Variants in RBFOX1 observed in about 807,000 individuals in gnomAD.
The protein encoded by RBFOX1 is RNA binding fox-1 homolog 1.
RBFOX1 carries 8 observed loss-of-function variants against 57.7 expected under a neutral mutation model. That is an observed-to-expected ratio of 0.14 (90% CI 0.08 to 0.25). RBFOX1 has a LOEUF of 0.25. Among genes scored for constraint, RBFOX1 ranks in the 10% least tolerant of loss-of-function variants. The pLI is 1.00. For missense variants in RBFOX1, 611 were observed against 548.5 expected (o/e 1.11, Z -1.14); for synonymous variants, 326 against 222.4 (o/e 1.47, Z -4.15).
intron 4 of RBFOX1, among the ~76,000 whole-genome samples, chr16:5,984,732 C>T (rs769287860): frequency 6.6e-5 from 10 of 151,966 alleles, no homozygotes; most frequent in Non-Finnish European, 1.2e-4. Flanking sequence ...AGGCACTTAA[C>T]GCAAACCTAG....
At chr16:6,495,382 T>C in intron 2 of RBFOX1, among the ~76,000 whole-genome samples, 1 of 148,230 alleles carries the variant, frequency 6.7e-6, no homozygotes. Flanking sequence ...GCCCCCGCCT[T>C]GGCCTCCCTA....
chr16:5,663,732 A>G (rs988990900), intron 3 of RBFOX1, among the ~76,000 whole-genome samples: 1 of 152,192 alleles, frequency 6.6e-6, no homozygotes, highest in Non-Finnish European at 1.5e-5. Context: ...TGAGCGTGGA[A>G]GCAACAGGAA....
At chr16:6,461,319 T>C (rs890991513) in intron 2 of RBFOX1, among the ~76,000 whole-genome samples, 3 of 152,302 alleles carry the variant, frequency 2.0e-5, no homozygotes, top group South Asian at 2.1e-4. Flanking sequence ...CCTACCCTTA[T>C]GGATTCCTTT....
intron 3 of RBFOX1, among the ~76,000 whole-genome samples, chr16:6,798,148 A>G (rs1335422529): frequency 6.6e-6 from 1 of 152,174 alleles, no homozygotes; most frequent in Non-Finnish European, 1.5e-5. Context: ...TGTGATTAGC[A>G]GAACAAATGA....
rs550150829 is a variant in RBFOX1, at chr16:7,580,307, A to G, written c.414+387A>G. On this transcript the variant is annotated intron_variant, in intron 6 of 15. Transcript: ENST00000550418. ...GTTTTGCTTTCTTTTACAGTTGTCA[A>G]ATGATCCAGAGGGTGACTCTTAGTG... Among the ~76,000 whole-genome samples, 25 of 152,286 alleles carry G rather than the reference A, an allele frequency of 1.6e-4. No individual in the cohort carries two copies. In the South Asian group the frequency reaches 2.7e-3, roughly 16 times the overall value.
chr16:7,243,431 C>G (rs1052537427), intron 4 of RBFOX1, among the ~76,000 whole-genome samples: 1 of 152,066 alleles, frequency 6.6e-6, no homozygotes, highest in Non-Finnish European at 1.5e-5. Context: ...GGCATATTAC[C>G]TTTGGTTGAC....
intron 1 of RBFOX1, among the ~76,000 whole-genome samples, chr16:6,262,494 G>A (rs1216854206): frequency 2.0e-5 from 3 of 152,118 alleles, no homozygotes; most frequent in African/African-American, 4.8e-5. Flanking sequence ...TCCATATTGA[G>A]GGAGGCAGTG....
At chr16:6,104,727 C>T (rs1490164194) in intron 1 of RBFOX1, among the ~76,000 whole-genome samples, 2 of 152,198 alleles carry the variant, frequency 1.3e-5, no homozygotes, top group East Asian at 3.9e-4. Flanking sequence ...TTAGCCAAAA[C>T]AAACAAAGAG....
intron 1 of RBFOX1, among the ~76,000 whole-genome samples, chr16:6,058,893 A>G (rs2095650263): frequency 6.6e-6 from 1 of 152,198 alleles, no homozygotes; most frequent in Admixed American, 6.5e-5. Context: ...GCTATCATGT[A>G]TACAGTAATT....
At chr16:5,848,382 C>A (rs989946106) in intron 3 of RBFOX1, among the ~76,000 whole-genome samples, 2 of 152,072 alleles carry the variant, frequency 1.3e-5, no homozygotes, top group Admixed American at 6.5e-5. Context: ...GGTGCCTTCC[C>A]CACTGAGGTT....
chr16:7,476,437 A>C (rs1379544333), intron 4 of RBFOX1, among the ~76,000 whole-genome samples: 6 of 152,226 alleles, frequency 3.9e-5, no homozygotes, highest in Non-Finnish European at 8.8e-5. Flanking sequence ...ACACGTAAAG[A>C]TCACTTAATA....
intron 4 of RBFOX1, among the ~76,000 whole-genome samples, chr16:5,953,727 A>ATATATATATATAT (rs369925781): frequency 4.6e-4 from 50 of 109,018 alleles, no homozygotes; most frequent in South Asian, 2.6e-3. Flanking sequence ...TATATATATA[A>ATATATATATATAT]AAAACACATT....
chr16:6,224,299 T>C (rs911947621), intron 1 of RBFOX1, among the ~76,000 whole-genome samples: 2 of 152,032 alleles, frequency 1.3e-5, no homozygotes, highest in African/African-American at 4.8e-5. Context: ...CCTTGGGCAG[T>C]ATGGCCATTT....
intron 1 of RBFOX1, among the ~76,000 whole-genome samples, chr16:5,311,530 G>A (rs914683153): frequency 1.7e-4 from 26 of 152,194 alleles, no homozygotes; most frequent in Admixed American, 1.4e-3. Context: ...GTGTATAAGC[G>A]TTCTGTTTTC....
At chr16:6,132,617 C>T (rs1478106195) in intron 1 of RBFOX1, among the ~76,000 whole-genome samples, 2 of 152,064 alleles carry the variant, frequency 1.3e-5, no homozygotes, top group Non-Finnish European at 2.9e-5. Context: ...TAAAAAGGCA[C>T]CATTTCAAAT....
intron 3 of RBFOX1, among the ~76,000 whole-genome samples, chr16:6,889,762 A>T (rs1036770304): frequency 2.0e-5 from 3 of 152,204 alleles, no homozygotes; most frequent in Non-Finnish European, 4.4e-5. Context: ...CAGTGGTAAA[A>T]ACCAGCATTT....
At chr16:5,689,563 C>A (rs573495060) in intron 3 of RBFOX1, among the ~76,000 whole-genome samples, 19 of 152,246 alleles carry the variant, frequency 1.2e-4, no homozygotes, top group African/African-American at 4.6e-4. Context: ...CCAGGAAAGA[C>A]TTTTTGGGAC....
intron 3 of RBFOX1, among the ~76,000 whole-genome samples, chr16:6,971,391 C>G (rs1289735396): frequency 6.6e-6 from 1 of 151,690 alleles, no homozygotes; most frequent in African/African-American, 2.4e-5. Context: ...AGTGTGTTTG[C>G]TTGTTTGGGG....
chr16:5,792,804 C>T (rs559977864), intron 3 of RBFOX1, among the ~76,000 whole-genome samples: 1 of 152,192 alleles, frequency 6.6e-6, no homozygotes, highest in African/African-American at 2.4e-5. Flanking sequence ...GATCGTGCCA[C>T]TGCACTCCAG....
Sources: allele counts gnomAD v4.1 joint callset (sites outside exome capture counted in the v4.1 genomes callset), GRCh38; gene constraint gnomAD v4.1.1; transcripts MANE v1.5; gene names NCBI Gene and HGNC (gene_info 2026-07-23, HGNC 2026-07-21).